The following NAALADL2 variants were observed in gnomAD, a reference collection of about 807,000 sequenced individuals.
NAALADL2 encodes the protein inactive N-acetylated-alpha-linked acidic dipeptidase-like protein 2.
A neutral mutation model predicts 87.2 loss-of-function variants in NAALADL2; 76 were observed. The ratio of observed to expected loss-of-function variants is 0.87; its 90% CI spans 0.72 to 1.05. NAALADL2 has a LOEUF of 1.05. NAALADL2 is among the 50% of genes least tolerant of loss of function. The pLI, the probability that NAALADL2 is intolerant of heterozygous loss-of-function variation, is 0.00. For synonymous variants in NAALADL2, 354 were observed against 331.0 expected (o/e 1.07, Z -0.75); for missense variants, 1,089 against 945.8 (o/e 1.15, Z -1.99).
intron 1 of NAALADL2, among the ~76,000 whole-genome samples, chr3:174,893,323 A>G (rs1291776336): frequency 1.4e-5 from 2 of 147,312 alleles, no homozygotes; most frequent in African/African-American, 5.1e-5. Flanking sequence ...CCCCCCCGCA[A>G]AAAGTTATTA....
chr3:174,965,459 C>T (rs1742733327), intron 1 of NAALADL2, among the ~76,000 whole-genome samples: 1 of 152,100 alleles, frequency 6.6e-6, no homozygotes, highest in Non-Finnish European at 1.5e-5. Context: ...GTCAAATAAT[C>T]TGTTAACTAT....
In NAALADL2 at chr3:174,559,886, T is replaced by A. The variant is rs758480666; in HGVS notation, c.-115+9249T>A. Among the ~76,000 whole-genome samples, 117 of 152,208 alleles carry A rather than the reference T, an allele frequency of 7.7e-4. 3 individuals are homozygous for A. Among genetic ancestry groups the A allele is most frequent in the Admixed American group, 2.6e-4 (4 of 15,286 alleles). On this transcript the variant is annotated intron_variant, in intron 2 of 3. Transcript: ENST00000434257. ...GAGGAAGACACAACATTCAATCCAT[T>A]GCACTACCTTGTAATGCATTGTACA...
chr3:174,803,022 A>T (rs1719021972), intron 3 of NAALADL2, among the ~76,000 whole-genome samples: 1 of 152,154 alleles, frequency 6.6e-6, no homozygotes, highest in East Asian at 1.9e-4. Context: ...GGGTCAAATG[A>T]TATTTCTAGT....
chr3:174,864,910 G>A (rs2109562142), intron 1 of NAALADL2, among the ~76,000 whole-genome samples: 2 of 152,082 alleles, frequency 1.3e-5, no homozygotes, highest in African/African-American at 4.8e-5. Flanking sequence ...TGACTGCAAA[G>A]ATTGCAAAGA....
chr3:175,769,099 C>G (rs955551094), intron 13 of NAALADL2, among the ~76,000 whole-genome samples: 1 of 152,086 alleles, frequency 6.6e-6, no homozygotes, highest in African/African-American at 2.4e-5. Context: ...AATCTTACTA[C>G]CTTTCTTACC....
chr3:174,987,587 A>AAAC (rs1560446038), intron 1 of NAALADL2, among the ~76,000 whole-genome samples: 5 of 141,926 alleles, frequency 3.5e-5, no homozygotes, highest in African/African-American at 1.1e-4. Flanking sequence ...AAAAAAAAAA[A>AAAC]AAAAAAAAAA....
intron 11 of NAALADL2, among the ~76,000 whole-genome samples, chr3:175,710,788 T>G (rs1359815960): frequency 6.6e-6 from 1 of 151,802 alleles, no homozygotes; most frequent in African/African-American, 2.4e-5. Context: ...TATGCATTCT[T>G]TTGTACCCTC....
chr3:174,921,818 AAAAGAAAAAG>A (rs1735248589), intron 1 of NAALADL2, among the ~76,000 whole-genome samples: 4 of 82,098 alleles, frequency 4.9e-5, no homozygotes, highest in African/African-American at 2.5e-4. Context: ...AAAAAAAAAA[AAAAGAAAAAG>A]AAAAAGAAAA....
chr3:174,906,945 C>T (rs1188618982), intron 1 of NAALADL2, among the ~76,000 whole-genome samples: 3 of 151,972 alleles, frequency 2.0e-5, no homozygotes, highest in African/African-American at 7.3e-5. Context: ...TTATTTATCA[C>T]AGGTGAGTTT....
Position 174,618,820 on chromosome 3 carries a change from G to A in NAALADL2, c.-115+68183G>A, listed in dbSNP as rs148035811. Reference sequence around the variant, plus strand: ...TATAAGTGTTATTTTGGTTATAACTGTTTAAAGAAAAGTATACATTATCTT... The same window carrying A: ...TATAAGTGTTATTTTGGTTATAACTATTTAAAGAAAAGTATACATTATCTT... On this transcript the variant is annotated intron_variant, in intron 2 of 3. Transcript: ENST00000434257. Among the ~76,000 whole-genome samples, 374 of 151,868 alleles carry A rather than the reference G, an allele frequency of 2.5e-3. 2 individuals are homozygous for A. Among genetic ancestry groups the A allele is most frequent in the African/African-American group, 8.6e-3 (357 of 41,520 alleles).
intron 1 of NAALADL2, among the ~76,000 whole-genome samples, chr3:174,943,109 A>G (rs1441207734): frequency 6.6e-6 from 1 of 152,210 alleles, no homozygotes; most frequent in African/African-American, 2.4e-5. Context: ...TAGGACACTC[A>G]GGTTATTTGA....
chr3:175,577,017 A>G (rs941247188), intron 10 of NAALADL2, among the ~76,000 whole-genome samples: 8 of 152,154 alleles, frequency 5.3e-5, no homozygotes, highest in African/African-American at 1.9e-4. Context: ...TTAATTTTTA[A>G]TAGCATTGAG....
At chr3:174,763,835 A>G (rs202165356) in intron 3 of NAALADL2, among the ~76,000 whole-genome samples, 2 of 151,162 alleles carry the variant, frequency 1.3e-5, no homozygotes, top group Non-Finnish European at 2.9e-5. Context: ...AAAACAAAAA[A>G]AAAAAAACAA....
intron 9 of NAALADL2, among the ~76,000 whole-genome samples, chr3:175,527,139 C>G (rs1001166694): frequency 6.6e-6 from 1 of 152,148 alleles, no homozygotes; most frequent in African/African-American, 2.4e-5. Context: ...CTGCCACAAC[C>G]AATCTAGGTG....
chr3:174,579,555 G>T (rs1377624241), intron 2 of NAALADL2, among the ~76,000 whole-genome samples: 1 of 152,140 alleles, frequency 6.6e-6, no homozygotes, highest in East Asian at 1.9e-4. Flanking sequence ...CAGAGAAATG[G>T]GAGTGAGGAA....
chr3:174,455,537 CATT>C (rs1715777835), intron 1 of NAALADL2, among the ~76,000 whole-genome samples: 2 of 152,212 alleles, frequency 1.3e-5, no homozygotes, highest in Admixed American at 1.3e-4. Context: ...ATCAAGTAGG[CATT>C]ATCCCTAGGG....
chr3:175,607,545 G>C (rs1041196446), intron 10 of NAALADL2, among the ~76,000 whole-genome samples: 9 of 152,050 alleles, frequency 5.9e-5, no homozygotes, highest in African/African-American at 2.2e-4. Context: ...AAATAAAGGT[G>C]GTGTGGAGGG....
chr3:175,402,018 A>G (rs1188345122), intron 5 of NAALADL2, among the ~76,000 whole-genome samples: 1 of 152,038 alleles, frequency 6.6e-6, no homozygotes, highest in Non-Finnish European at 1.5e-5. Context: ...TCTCATTCAA[A>G]TCTATCTAAC....
At chr3:175,588,521 C>CT (rs1720874380) in intron 10 of NAALADL2, among the ~76,000 whole-genome samples, 1 of 109,186 alleles carries the variant, frequency 9.2e-6, no homozygotes, top group Non-Finnish European at 2.0e-5. Context: ...AGGAGACTTT[C>CT]TTTCTTTCTT....
Sources: allele counts gnomAD v4.1 joint callset (sites outside exome capture counted in the v4.1 genomes callset), GRCh38; gene constraint gnomAD v4.1.1; transcripts MANE v1.5; gene names NCBI Gene and HGNC (gene_info 2026-07-23, HGNC 2026-07-21).